MAML1: variants seen among roughly 807,000 people sequenced by gnomAD.
MAML1 encodes mastermind like transcriptional coactivator 1, also known as mastermind-like protein 1.
In MAML1, 14 loss-of-function variants were observed where a neutral mutation model predicts 77.1. The observed-to-expected ratio is 0.18, with a 90% CI of 0.12 to 0.28. The LOEUF (loss-of-function observed/expected upper bound fraction) is 0.28, where lower values mean the gene tolerates loss of function less well. Among genes scored for constraint, MAML1 ranks in the 10% least tolerant of loss-of-function variants. The pLI, the probability that MAML1 is intolerant of heterozygous loss-of-function variation, is 1.00. For missense variants in MAML1, 1,217 were observed against 1,327.8 expected (o/e 0.92, Z 1.30); for synonymous variants, 516 against 551.9 (o/e 0.93, Z 0.91).
Position 179,733,255 on chromosome 5 carries a change from G to A in MAML1, c.143G>A (p.Arg48His). 3 of 1,471,248 alleles carry A rather than the reference G, an allele frequency of 2.0e-6. No individual in the cohort carries two copies. The highest frequency in any genetic ancestry group is 3.0e-5 in the East Asian group (1 of 33,116). The allele number at this position is 1,471,248 out of a possible 1,614,324, so 91.1% of individuals were successfully genotyped here. ...CGCTACGAGGCCGTGTCGCCCGAGC[G>A]CCTGGAGCTGGAGCGCCAACACACC... ...EARYEAVSPE[R>H]LELERQHTFA... Residue 48 changes from arginine to histidine, a missense_variant, in exon 1 of 5, where the codon CGC (arginine) becomes CAC (histidine). By Grantham distance (29) the Arg-to-His change is conservative. Coordinates refer to ENST00000292599, the MANE Select transcript of MAML1 (RefSeq NM_014757.5).
chr5:179,760,089 C>T (rs2113367384), intron 1 of MAML1, among the ~76,000 whole-genome samples: 1 of 151,924 alleles, frequency 6.6e-6, no homozygotes, highest in Admixed American at 6.5e-5. Flanking sequence ...CAGATGTCAT[C>T]TGAGTCATCA....
chr5:179,755,614 T>C (rs1406881688), intron 1 of MAML1, among the ~76,000 whole-genome samples: 1 of 152,110 alleles, frequency 6.6e-6, no homozygotes, highest in African/African-American at 2.4e-5. Flanking sequence ...AAATGAAGCT[T>C]GTCCAGCCTG....
intron 1 of MAML1, among the ~76,000 whole-genome samples, chr5:179,733,686 A>G (rs1358388674): frequency 6.6e-6 from 1 of 152,230 alleles, no homozygotes; most frequent in Non-Finnish European, 1.5e-5. Flanking sequence ...CGCTAACCGG[A>G]GGGTTTTTCT....
chr5:179,733,100 C>A lies in MAML1; in HGVS notation c.-13C>A. On this transcript the variant is annotated 5_prime_UTR_variant, in exon 1 of 5. Transcript: ENST00000292599. ...GGCCCGGCCCCGGGCCCGGCCCGTG[C>A]AGCCCGCGGCCCATGGTGCTGCCCA... The A allele has an allele frequency of 7.3e-7, 1 of 1,365,972 alleles. No individual in the cohort carries two copies. Among genetic ancestry groups the A allele is most frequent in the South Asian group, 1.5e-5 (1 of 65,344 alleles). 84.6% of individuals were successfully genotyped at this position (1,365,972 alleles called of 1,614,324 possible).
intron 1 of MAML1, among the ~76,000 whole-genome samples, chr5:179,754,872 G>T (rs1779580733): frequency 6.6e-6 from 1 of 152,152 alleles, no homozygotes; most frequent in South Asian, 2.1e-4. Context: ...GATGAAGAGG[G>T]GACGAATTTG....
rs1258295679 is a variant in MAML1 at position 179,774,951 on chromosome 5, A to G, written c.*74A>G. ...TCTCAGATTCAAAGAAAGAGCAACT[A>G]CTTTGGACCAAAAGCCCATGGCCTG... On this transcript the variant is annotated 3_prime_UTR_variant, in exon 5 of 5. Transcript: ENST00000292599. The G allele has an allele frequency of 5.3e-6, 8 of 1,513,000 alleles. No homozygotes were observed. In the East Asian group the frequency reaches 1.8e-4, roughly 34 times the overall value. The allele number at this position is 1,513,000 out of a possible 1,614,324, so 93.7% of individuals were successfully genotyped here. A position where few individuals can be genotyped will look rare whatever the true frequency, so the allele number is the denominator to read the frequency against.
rs1212949137 is a variant in MAML1, at chr5:179,733,062, G to GCCGGCCCCGAGAGGC, written c.-41_-27dup. ...GCGGGGAGCGAAGCCCGCAGTGCCA[G>GCCGGCCCCGAGAGGC]CCGGCCCCGAGAGGCCCGGCCCCGG... is the stretch of plus-strand genomic sequence containing the variant. On this transcript the variant is annotated 5_prime_UTR_variant, in exon 1 of 5. Transcript: ENST00000292599. The GCCGGCCCCGAGAGGC allele has an allele frequency of 1.0e-5, 12 of 1,164,464 alleles. No homozygotes were observed. The highest frequency in any genetic ancestry group is 1.3e-5 in the Non-Finnish European group (12 of 922,298). 72.1% of individuals were successfully genotyped at this position (1,164,464 alleles called of 1,614,324 possible).
intron 1 of MAML1, among the ~76,000 whole-genome samples, chr5:179,746,174 C>T (rs568912917): frequency 1.0e-4 from 15 of 146,950 alleles, no homozygotes; most frequent in South Asian, 2.2e-4. Context: ...GGCGAAACCC[C>T]GTCTCTACTA....
intron 1 of MAML1, among the ~76,000 whole-genome samples, chr5:179,744,273 TC>T (rs1393775526): frequency 6.6e-6 from 1 of 151,284 alleles, no homozygotes; most frequent in East Asian, 1.9e-4. Context: ...CAACCTCCAC[TC>T]CCCCGGGTTT....
intron 1 of MAML1, among the ~76,000 whole-genome samples, chr5:179,741,741 G>T (rs1269379402): frequency 6.7e-6 from 1 of 150,218 alleles, no homozygotes; most frequent in Non-Finnish European, 1.5e-5. Flanking sequence ...GCTTTAGCCA[G>T]ATGCTTTCCC....
chr5:179,777,099 G>A lies in MAML1; in HGVS notation c.*2222G>A, dbSNP rs541541516. On this transcript the variant is annotated 3_prime_UTR_variant, in exon 5 of 5. Coordinates refer to ENST00000292599, the MANE Select transcript of MAML1 (RefSeq NM_014757.5). ...GATCCTTTATATGTGTGTTTTGGGG[G>A]AGCTATGATAAGTTTTATGGCAAAC... 5.1e-6 allele frequency: 5 copies of A among 985,458 alleles called. No individual in the cohort carries two copies. The South Asian group carries it at 1.9e-4, about 37-fold the overall frequency. The allele number at this position is 985,458 out of a possible 1,614,324, so 61.0% of individuals were successfully genotyped here.
intron 1 of MAML1, among the ~76,000 whole-genome samples, chr5:179,742,443 C>A (rs531618503): frequency 1.3e-5 from 2 of 151,526 alleles, no homozygotes; most frequent in African/African-American, 4.8e-5. Context: ...GAGCCGAGAT[C>A]GTGACACTGC....
At chr5:179,740,562 C>T (rs1007433645) in intron 1 of MAML1, among the ~76,000 whole-genome samples, 1 of 152,098 alleles carries the variant, frequency 6.6e-6, no homozygotes, top group African/African-American at 2.4e-5. Flanking sequence ...AGGTGTGAGC[C>T]ACTGTGCCCG....
chr5:179,755,743 CTTATT>C (rs1239886704), intron 1 of MAML1, among the ~76,000 whole-genome samples: 3 of 148,968 alleles, frequency 2.0e-5, no homozygotes, highest in African/African-American at 7.4e-5. Context: ...TTATTGTTAG[CTTATT>C]TTATTTGTGG....
Position 179,776,263 on chromosome 5 carries a change from C to T in MAML1, c.*1386C>T, listed in dbSNP as rs55967209. On this transcript the variant is annotated 3_prime_UTR_variant, in exon 5 of 5. Transcript: ENST00000292599. ...GTTCTGTGGAGAAACTGCAGCCCCA[C>T]TTCTGTTTCCCTGGAGTCTCCCAAT... 37,723 of 985,858 alleles carry T rather than the reference C, an allele frequency of 0.038. 797 individuals carry two copies. The highest frequency in any genetic ancestry group is 0.043 in the African/African-American group (2,438 of 57,348). 61.1% of individuals were successfully genotyped at this position (985,858 alleles called of 1,614,324 possible).
intron 2 of MAML1, among the ~76,000 whole-genome samples, chr5:179,768,610 C>T (rs1448597023): frequency 6.6e-6 from 1 of 152,234 alleles, no homozygotes; most frequent in Non-Finnish European, 1.5e-5. Context: ...ACCTTTGTCA[C>T]TGGTGAATCA....
At chr5:179,736,983 G>A (rs887051887) in intron 1 of MAML1, among the ~76,000 whole-genome samples, 1 of 151,378 alleles carries the variant, frequency 6.6e-6, no homozygotes, top group Non-Finnish European at 1.5e-5. Flanking sequence ...AAAAAAAAAG[G>A]TATATTAGTA....
chr5:179,740,560 G>A (rs1168080167), intron 1 of MAML1, among the ~76,000 whole-genome samples: 1 of 152,160 alleles, frequency 6.6e-6, no homozygotes, highest in African/African-American at 2.4e-5. Flanking sequence ...ACAGGTGTGA[G>A]CCACTGTGCC....
intron 1 of MAML1, among the ~76,000 whole-genome samples, chr5:179,741,770 C>T (rs955994698): frequency 6.6e-6 from 1 of 151,172 alleles, no homozygotes; most frequent in African/African-American, 2.4e-5. Flanking sequence ...TTCCATGGAA[C>T]ACTAATTTCA....
Sources: allele counts gnomAD v4.1 joint callset (sites outside exome capture counted in the v4.1 genomes callset), GRCh38; gene constraint gnomAD v4.1.1; transcripts MANE v1.5; gene names NCBI Gene and HGNC (gene_info 2026-07-23, HGNC 2026-07-21).